The following POU2F2 variants were observed in gnomAD, a reference collection of about 807,000 sequenced individuals.
POU2F2 encodes POU domain, class 2, transcription factor 2.
A neutral mutation model predicts 63.5 loss-of-function variants in POU2F2; 14 were observed. The observed-to-expected ratio is 0.22, with a 90% CI of 0.15 to 0.34. The LOEUF (loss-of-function observed/expected upper bound fraction) is 0.34, where lower values mean the gene tolerates loss of function less well. Ranked by LOEUF, POU2F2 falls within the 10% of genes least tolerant of loss-of-function variation. The probability of loss-of-function intolerance (pLI) is 1.00; values close to 1 mark genes in which losing one functional copy is unlikely to be tolerated. For missense variants in POU2F2, 607 were observed against 815.2 expected (o/e 0.74, Z 3.11); for synonymous variants, 306 against 348.6 (o/e 0.88, Z 1.36).
rs2076824256 is a variant in POU2F2, at chr19:42,093,845, G to T, written c.1248C>A (p.Ser416Arg). The part of the protein sequence containing the change: ...AGTLPLSQAS[S>R]SLSTTVTTLS... The stretch of plus-strand genomic sequence containing the variant: ...CTCCCTGACCTGTTGTGCTCAGACT[G>T]CTGGAAGCTTGGGACAACGGTAAGG... Residue 416 changes from serine to arginine, a missense_variant, in exon 12 of 15, where the codon AGC (serine) becomes AGA (arginine). Physicochemically the swap from Ser to Arg is moderately radical, Grantham distance 110. Around this residue, in one of 7 missense-constraint regions of POU2F2, gnomAD observed 270 missense variants for 307.5 expected, o/e 0.88. Transcript: ENST00000692977. 1 of 1,611,666 alleles carries T rather than the reference G, an allele frequency of 6.2e-7. No homozygotes were observed. Among genetic ancestry groups the T allele is most frequent in the Non-Finnish European group, 8.5e-7 (1 of 1,178,290 alleles).
At chr19:42,133,479 G>A (rs1286625578), upstream of POU2F2, 4 of 154,640 alleles carry the variant, frequency 2.6e-5, no homozygotes, top group Non-Finnish European at 5.9e-5. This position sits in a 1 kb window ranked among gnomAD's most constrained non-coding sequence, Gnocchi z 5.1. Context: ...GCTGCCTGGC[G>A]TCTCCAGACA....
intron 2 of POU2F2, among the ~76,000 whole-genome samples, chr19:42,138,673 G>A (rs1263731957): frequency 2.0e-5 from 3 of 152,110 alleles, no homozygotes; most frequent in Non-Finnish European, 4.4e-5. Flanking sequence ...GGAGCCATGA[G>A]GATTAGGATG....
In POU2F2 at chr19:42,095,390, C is replaced by T. The variant is rs777963283; in HGVS notation, c.1093G>A (p.Val365Ile). ...TTCTGGCGCCGGTTGCAGAACCAGACGCGGATCACTTCCTTCTCCATGTGC... is the reference window on the plus strand; with the variant it reads ...TTCTGGCGCCGGTTGCAGAACCAGATGCGGATCACTTCCTTCTCCATGTGC... ...QLHMEKEVIR[V>I]WFCNRRQKEK... Residue 365 changes from valine to isoleucine, a missense_variant, in exon 11 of 15, where the codon GTC becomes ATC. By Grantham distance (29) the Val-to-Ile change is conservative. Transcript: ENST00000692977. The surrounding 1 kb of genome is among the most constrained non-coding windows in gnomAD (Gnocchi z 7.1). 6.2e-7 allele frequency: 1 copy of T among 1,614,028 alleles called. No homozygotes were observed. Among genetic ancestry groups the T allele is most frequent in the Non-Finnish European group, 8.5e-7 (1 of 1,180,020 alleles).
chr19:42,109,713 C>T (rs888801538), intron 5 of POU2F2, among the ~76,000 whole-genome samples: 2 of 152,124 alleles, frequency 1.3e-5, no homozygotes, highest in African/African-American at 4.8e-5. Flanking sequence ...GATTATAGCT[C>T]ACTGCAGCCT....
chr19:42,177,389 C>T (rs1053359242), upstream of POU2F2: 4 of 152,326 alleles, frequency 2.6e-5, no homozygotes, highest in East Asian at 1.9e-4. Context: ...ATGGCAACCC[C>T]GGGCCCAAGG....
chr19:42,138,974 C>T (rs570986812), intron 2 of POU2F2, among the ~76,000 whole-genome samples: 33 of 152,256 alleles, frequency 2.2e-4, no homozygotes, highest in African/African-American at 7.7e-4. Context: ...ATTCCCAGTT[C>T]GCCTCATGTA....
In POU2F2 at chr19:42,092,478, G is replaced by A. The variant is rs1223189650; in HGVS notation, c.1265-208C>T. Among the ~76,000 whole-genome samples the A allele has an allele frequency of 6.6e-6, 1 of 152,188 alleles. No individual in the cohort carries two copies. Among genetic ancestry groups the A allele is most frequent in the African/African-American group, 2.4e-5 (1 of 41,432 alleles). ...CCCTGTCATAACAATGGAAGTCAGA[G>A]CAGGTGCTTCCTGCTGAGCCCTGGC... is the stretch of plus-strand genomic sequence containing the variant. On this transcript the variant is annotated intron_variant, in intron 12 of 14. Coordinates refer to ENST00000692977, the MANE Select transcript of POU2F2 (RefSeq NM_001394376.1). The surrounding 1 kb of genome is among the most constrained non-coding windows in gnomAD (Gnocchi z 5.0).
At position 42,132,413 on chromosome 19, in the gene POU2F2, C is replaced by T. The variant is rs373375555; in HGVS notation, c.-2G>A. On this transcript the variant is annotated 5_prime_UTR_variant, in exon 1 of 15. Coordinates refer to ENST00000692977, the MANE Select transcript of POU2F2 (RefSeq NM_001394376.1). ...AGCCCCCATGCTGGAGTGAACCATGCTGCCCGCCCCGCCAGGGCTGGGGGA... is the reference window on the plus strand; with the variant it reads ...AGCCCCCATGCTGGAGTGAACCATGTTGCCCGCCCCGCCAGGGCTGGGGGA... 2.0e-6 allele frequency: 3 copies of T among 1,511,306 alleles called. No individual in the cohort carries two copies. The highest frequency in any genetic ancestry group is 2.6e-6 in the Non-Finnish European group (3 of 1,133,150). 93.6% of individuals were successfully genotyped at this position (1,511,306 alleles called of 1,614,324 possible). A position where few individuals can be genotyped will look rare whatever the true frequency, so the allele number is the denominator to read the frequency against.
chr19:42,135,819 C>T (rs75619987), upstream of POU2F2, among the ~76,000 whole-genome samples: 14,514 of 151,618 alleles, frequency 0.096, 894 homozygotes, highest in Middle Eastern at 0.2. Flanking sequence ...GCGCATCTCA[C>T]GCCTCCTCAG....
At chr19:42,097,479 G>C (rs906490943) in intron 7 of POU2F2, among the ~76,000 whole-genome samples, 5 of 150,472 alleles carry the variant, frequency 3.3e-5, no homozygotes, top group Non-Finnish European at 7.4e-5. Context: ...TTACAGGGGT[G>C]ACCACTGCGC....
At chr19:42,177,615 C>T (rs2034910989), upstream of POU2F2, among the ~76,000 whole-genome samples, 1 of 151,706 alleles carries the variant, frequency 6.6e-6, no homozygotes, top group Non-Finnish European at 1.5e-5. Context: ...CAAGGACAAT[C>T]CTTGAGACCG....
upstream of POU2F2, among the ~76,000 whole-genome samples, chr19:42,133,194 T>TGG (rs2033881210): frequency 1.3e-5 from 2 of 152,172 alleles, no homozygotes. This position sits in a 1 kb window ranked among gnomAD's most constrained non-coding sequence, Gnocchi z 5.1. Flanking sequence ...GGCTGCCGGC[T>TGG]GGCTCTTCGC....
At position 42,094,499 on chromosome 19, in the gene POU2F2, A is replaced by G. The variant is rs78980728; in HGVS notation, c.1198-604T>C. Among the ~76,000 whole-genome samples the G allele has an allele frequency of 6.6e-3, 1,004 of 152,260 alleles. 14 individuals are homozygous for G. The highest frequency in any genetic ancestry group is 0.023 in the African/African-American group (963 of 41,542). ...ACTAAATGTGACTCTCTCCTTCCCC[A>G]GCTCAAAACCACTCCTTACCTCCTC... On this transcript the variant is annotated intron_variant, in intron 11 of 14. Coordinates refer to ENST00000692977, the MANE Select transcript of POU2F2 (RefSeq NM_001394376.1).
intron 1 of POU2F2, among the ~76,000 whole-genome samples, chr19:42,172,449 A>G (rs2034788595): frequency 6.6e-6 from 1 of 152,142 alleles, no homozygotes; most frequent in African/African-American, 2.4e-5. Flanking sequence ...ATAAATACCT[A>G]TTGAATGCAG....
intron 12 of POU2F2, 136 bp downstream of exon 12, chr19:42,093,693 C>T: frequency 1.2e-6 from 1 of 833,944 alleles, no homozygotes; most frequent in South Asian, 2.0e-5. Context: ...TTCCCACTGT[C>T]TCTCCCATTC....
intron 1 of POU2F2, among the ~76,000 whole-genome samples, chr19:42,172,313 G>A (rs1220730860): frequency 1.3e-5 from 2 of 152,176 alleles, no homozygotes; most frequent in African/African-American, 4.8e-5. Context: ...TCAGAGTCTA[G>A]GCCTTTGTTG....
intron 2 of POU2F2, among the ~76,000 whole-genome samples, chr19:42,160,045 G>C (rs2034524977): frequency 6.6e-6 from 1 of 152,084 alleles, no homozygotes; most frequent in Non-Finnish European, 1.5e-5. Context: ...CCAAAGCTGT[G>C]ATCTGAGCCA....
chr19:42,153,518 G>A lies in POU2F2; in HGVS notation c.-9+6814C>T, dbSNP rs762815504. Among the ~76,000 whole-genome samples, 2 of 152,168 alleles carry A rather than the reference G, an allele frequency of 1.3e-5. No homozygotes were observed. Among genetic ancestry groups the A allele is most frequent in the Admixed American group, 6.5e-5 (1 of 15,280 alleles). ...TGTCTGAGCACGGATGCTGCTGTGC[G>A]TGAGCCTCCATGGGTCCCGTGTGGA... On this transcript the variant is annotated intron_variant, in intron 2 of 6. Coordinates refer to the POU2F2 transcript ENST00000524801. This position sits in a 1 kb window ranked among gnomAD's most constrained non-coding sequence, Gnocchi z 5.6.
Position 42,153,829 on chromosome 19 carries a change from G to A in POU2F2, c.-9+6503C>T, listed in dbSNP as rs1271404572. Among the ~76,000 whole-genome samples, 2 of 152,086 alleles carry A rather than the reference G, an allele frequency of 1.3e-5. No individual in the cohort carries two copies. The highest frequency in any genetic ancestry group is 1.5e-5 in the Non-Finnish European group (1 of 68,000). On this transcript the variant is annotated intron_variant, in intron 2 of 6. Transcript: ENST00000524801. This position sits in a 1 kb window ranked among gnomAD's most constrained non-coding sequence, Gnocchi z 5.6. ...CTGAGTCTCTGAGTGGGGGAGGGTG[G>A]CGAGGCAGCAGGGGCTGCCACGGAG...
Sources: allele counts gnomAD v4.1 joint callset (sites outside exome capture counted in the v4.1 genomes callset), GRCh38; gene constraint gnomAD v4.1.1; regional missense constraint gnomAD v4.1.1; non-coding constraint Gnocchi (gnomAD v3.1); transcripts MANE v1.5; gene names NCBI Gene and HGNC (gene_info 2026-07-23, HGNC 2026-07-21).